NRF1: variants seen among roughly 807,000 people sequenced by gnomAD.
NRF1 encodes nuclear respiratory factor 1, also known as alpha palindromic-binding protein.
A neutral mutation model predicts 58.5 loss-of-function variants in NRF1; 5 were observed. The ratio of observed to expected loss-of-function variants is 0.09; its 90% CI spans 0.04 to 0.18. NRF1 has a LOEUF of 0.18. Ranked by LOEUF, NRF1 falls within the 10% of genes least tolerant of loss-of-function variation. NRF1 has a pLI of 1.00. For synonymous variants in NRF1, 224 were observed against 246.7 expected (o/e 0.91, Z 0.86); for missense variants, 288 against 657.7 (o/e 0.44, Z 6.15).
chr7:129,658,854 AT>A (rs1382147957), intron 2 of NRF1, among the ~76,000 whole-genome samples: 2 of 152,188 alleles, frequency 1.3e-5, no homozygotes, highest in Non-Finnish European at 2.9e-5. Context: ...AATAATACAA[AT>A]AAAAGGCCAA....
intron 1 of NRF1, among the ~76,000 whole-genome samples, chr7:129,645,169 G>A (rs564915265): frequency 3.3e-5 from 5 of 152,130 alleles, no homozygotes; most frequent in East Asian, 1.9e-4. Flanking sequence ...GTCCCCTTAA[G>A]CCCTTTTTCA....
rs1803841315 is a variant in NRF1, at chr7:129,741,350, C to T, written c.1349-13668C>T. Among the ~76,000 whole-genome samples, 1 of 152,212 alleles carries T rather than the reference C, an allele frequency of 6.6e-6. No individual in the cohort carries two copies. The highest frequency in any genetic ancestry group is 2.1e-4 in the South Asian group (1 of 4,826). ...GTTACATGCTTCTTTGTCTCATTCT[C>T]CTTCCCTTTAGGTCCGCAGATCTTT... On this transcript the variant is annotated intron_variant, in intron 10 of 10. Coordinates refer to ENST00000393232, the MANE Select transcript of NRF1 (RefSeq NM_005011.5). The surrounding 1 kb of genome is among the most constrained non-coding windows in gnomAD (Gnocchi z 4.0).
intron 5 of NRF1, among the ~76,000 whole-genome samples, chr7:129,694,378 T>C (rs532116984): frequency 1.8e-4 from 28 of 152,212 alleles, no homozygotes; most frequent in Non-Finnish European, 3.2e-4. Flanking sequence ...CTCTCTTTTT[T>C]TTTGGGGATG....
intron 1 of NRF1, among the ~76,000 whole-genome samples, chr7:129,615,202 C>T (rs1223465762): frequency 2.0e-5 from 3 of 152,334 alleles, no homozygotes; most frequent in East Asian, 1.9e-4. Flanking sequence ...TGTATACATT[C>T]AGCTTCTGTC....
At chr7:129,661,950 G>A (rs535173340) in intron 2 of NRF1, among the ~76,000 whole-genome samples, 6 of 150,832 alleles carry the variant, frequency 4.0e-5, no homozygotes, top group South Asian at 2.1e-4. Flanking sequence ...GGCTGGGGAG[G>A]CCTCACAACC....
At chr7:129,739,582 C>T (rs951740623) in intron 10 of NRF1, among the ~76,000 whole-genome samples, 4 of 151,842 alleles carry the variant, frequency 2.6e-5, no homozygotes, top group African/African-American at 9.7e-5. Flanking sequence ...TGCAGTAATC[C>T]GCAGCCAGTA....
At chr7:129,726,022 A>G (rs1803445791) in intron 9 of NRF1, among the ~76,000 whole-genome samples, 1 of 152,202 alleles carries the variant, frequency 6.6e-6, no homozygotes, top group African/African-American at 2.4e-5. Context: ...GTTTACTCCA[A>G]TTAGTCCCTG....
intron 1 of NRF1, among the ~76,000 whole-genome samples, chr7:129,647,128 C>G (rs926349272): frequency 5.3e-5 from 8 of 152,062 alleles, no homozygotes; most frequent in Non-Finnish European, 1.2e-4. Context: ...ACCTCCGCCT[C>G]CCGGGTTCAA....
At chr7:129,686,012 G>GA (rs1802435369) in intron 4 of NRF1, among the ~76,000 whole-genome samples, 1 of 145,548 alleles carries the variant, frequency 6.9e-6, no homozygotes, top group Admixed American at 7.2e-5. Context: ...TGAGGCAGGA[G>GA]AATCTCTTGA....
rs561401535 is a variant in NRF1 at position 129,680,589 on chromosome 7, A to G, written c.465+2831A>G. Among the ~76,000 whole-genome samples the G allele has an allele frequency of 4.5e-4, 69 of 152,366 alleles. No homozygotes were observed. In the South Asian group the frequency reaches 0.014, roughly 31 times the overall value. ...TGGATAAATAAAATGTGGCATATCCATAGGATGGAATATTATTCAGCAAGA... is the reference window on the plus strand; with the variant it reads ...TGGATAAATAAAATGTGGCATATCCGTAGGATGGAATATTATTCAGCAAGA... On this transcript the variant is annotated intron_variant, in intron 4 of 10. Coordinates refer to ENST00000393232, the MANE Select transcript of NRF1 (RefSeq NM_005011.5).
chr7:129,650,687 A>AT (rs1801513616), intron 1 of NRF1, among the ~76,000 whole-genome samples: 2 of 152,076 alleles, frequency 1.3e-5, no homozygotes, highest in Non-Finnish European at 2.9e-5. Context: ...GGGTTATCTC[A>AT]TTTAATCCTC....
At chr7:129,642,757 ATTT>A (rs1186472112) in intron 1 of NRF1, among the ~76,000 whole-genome samples, 20 of 109,754 alleles carry the variant, frequency 1.8e-4, no homozygotes, top group African/African-American at 8.3e-4. Context: ...TCTTTAAAAA[ATTT>A]TTTTTTTTTT....
chr7:129,649,809 A>C (rs1295123564), intron 1 of NRF1, among the ~76,000 whole-genome samples: 3 of 152,120 alleles, frequency 2.0e-5, no homozygotes. Context: ...ACAGGAGTGC[A>C]GTGGTGCGAT....
rs190838970 is a variant in NRF1, at chr7:129,717,272, G to A, written c.1119G>A (p.Thr373=). Residue 373 remains threonine, a synonymous_variant, in exon 9 of 11, where the codon ACG becomes ACA. Coordinates refer to ENST00000393232, the MANE Select transcript of NRF1 (RefSeq NM_005011.5). ...LQGGEMTIQT[T]QASEATQAVA... is the part of the protein sequence containing the mutation. ...GAGGTGAGATGACCATCCAGACGAC[G>A]CAAGCATCAGAGGCCACCCAGGCGG... 29 of 1,613,782 alleles carry A rather than the reference G, an allele frequency of 1.8e-5. No individual in the cohort carries two copies. In the East Asian group the frequency reaches 2.9e-4, roughly 16 times the overall value.
At chr7:129,638,482 C>T (rs1801218857) in intron 1 of NRF1, among the ~76,000 whole-genome samples, 1 of 152,122 alleles carries the variant, frequency 6.6e-6, no homozygotes, top group Non-Finnish European at 1.5e-5. Context: ...GTGGCCAGGA[C>T]CGAGTAGCTG....
At chr7:129,637,276 G>A (rs1234097348) in intron 1 of NRF1, among the ~76,000 whole-genome samples, 2 of 151,188 alleles carry the variant, frequency 1.3e-5, no homozygotes, top group African/African-American at 2.4e-5. Context: ...AGAAGAAGAA[G>A]ATTCATTGGA....
chr7:129,681,369 C>T (rs996800982), intron 4 of NRF1, among the ~76,000 whole-genome samples: 1 of 152,110 alleles, frequency 6.6e-6, no homozygotes, highest in Non-Finnish European at 1.5e-5. Flanking sequence ...CCATAGGAAA[C>T]AAATACATAT....
At chr7:129,630,159 A>G (rs772035432) in intron 1 of NRF1, 1 of 152,234 alleles carries the variant, frequency 6.6e-6, no homozygotes, top group African/African-American at 2.4e-5. Flanking sequence ...TTTAAACAGG[A>G]CAAAACTTGG....
At chr7:129,632,220 G>A (rs1801065270) in intron 1 of NRF1, among the ~76,000 whole-genome samples, 1 of 152,098 alleles carries the variant, frequency 6.6e-6, no homozygotes, top group Non-Finnish European at 1.5e-5. Context: ...GCTACAGTGA[G>A]GTGTGATCAT....
Sources: gnomAD v4.1 joint callset for allele counts (sites outside exome capture counted in the v4.1 genomes callset) on GRCh38, gnomAD v4.1.1 for gene constraint, Gnocchi (gnomAD v3.1) non-coding constraint, MANE v1.5 for transcripts, NCBI Gene and HGNC (gene_info 2026-07-23, HGNC 2026-07-21) for gene names.